Variants in ZNF660 observed in about 807,000 individuals in gnomAD.
ZNF660 encodes zinc finger protein 660.
A neutral mutation model predicts 23.2 loss-of-function variants in ZNF660; 24 were observed. The observed-to-expected ratio is 1.04, with a 90% confidence interval of 0.75 to 1.46. ZNF660 has a LOEUF of 1.46. ZNF660 is among the 40% of genes most tolerant of loss of function. The probability of loss-of-function intolerance (pLI) is 0.00; values close to 1 mark genes in which losing one functional copy is unlikely to be tolerated. For synonymous variants in ZNF660, 117 were observed against 131.4 expected, an observed-to-expected ratio of 0.89 and a Z score of 0.75; for missense variants, 373 against 396.8, an observed-to-expected ratio of 0.94 and a Z score of 0.51.
intron 2 of ZNF660, chr3:44,586,552 G>A (rs910969834): frequency 1.3e-5 from 2 of 152,198 alleles, no homozygotes; most frequent in Non-Finnish European, 2.9e-5. Context: ...CTGACATACT[G>A]AGAGTCTCTG....
rs115687563 is a variant in ZNF660, at chr3:44,591,120, A to G, written c.-180-2894A>G. Reference sequence around the variant, plus strand: ...TCCATTTATCAGAAAGCTGTGGGACATGGAAATTGGTCAAACTTTTTTTTT... The same window carrying G: ...TCCATTTATCAGAAAGCTGTGGGACGTGGAAATTGGTCAAACTTTTTTTTT... On this transcript the variant is annotated intron_variant, in intron 2 of 2. Transcript: ENST00000322734. Among the ~76,000 whole-genome samples the G allele has an allele frequency of 9.6e-4, 146 of 152,254 alleles. 1 individual carries two copies. Among genetic ancestry groups the G allele is most frequent in the African/African-American group, 3.1e-3 (130 of 41,560 alleles).
chr3:44,599,195 C>T lies in ZNF660; in HGVS notation c.*4006C>T, dbSNP rs1229294090. On this transcript the variant is annotated 3_prime_UTR_variant, in exon 3 of 3. Coordinates refer to ENST00000322734, the MANE Select transcript of ZNF660 (RefSeq NM_173658.4). ...GGCAATAATTTTAGCCACAGACATC[C>T]TGGTTATATAGAATTGCTCCTGTGT... 1 of 152,140 alleles carries T rather than the reference C, an allele frequency of 6.6e-6. No homozygotes were observed. The highest frequency in any genetic ancestry group is 1.5e-5 in the Non-Finnish European group (1 of 68,044). The allele number at this position is 152,140 out of a possible 1,614,324, so 9.4% of individuals were successfully genotyped here.
Position 44,595,124 on chromosome 3 carries a change from T to C in ZNF660, c.931T>C (p.Tyr311His). ...TAAATGTAGTGAGTGTGGGAAAGCC[T>C]ATCGGTATAGTTCACAGCTTATTCA... The part of the protein sequence containing the change: ...PYKCSECGKA[Y>H]RYSSQLIQHQ... The change falls in exon 3 of 3, where the codon TAT becomes CAT. Residue 311 changes from tyrosine (Y) to histidine (H), a missense_variant. Coordinates refer to ENST00000322734, the MANE Select transcript of ZNF660 (RefSeq NM_173658.4). 6.2e-7 allele frequency: 1 copy of C among 1,613,502 alleles called. No individual in the cohort carries two copies. The highest frequency in any genetic ancestry group is 1.1e-5 in the South Asian group (1 of 91,022).
Position 44,596,704 on chromosome 3 carries a change from C to T in ZNF660, c.*1515C>T, listed in dbSNP as rs1430595332. ...TGGCCACAGCTGCATCTTGCCTTCA[C>T]ACAACTCCTTCAGATTGGGAACTGG... On this transcript the variant is annotated 3_prime_UTR_variant, in exon 3 of 3. Coordinates refer to ENST00000322734, the MANE Select transcript of ZNF660 (RefSeq NM_173658.4). 6.6e-6 allele frequency: 1 copy of T among 152,218 alleles called. No homozygotes were observed. The highest frequency in any genetic ancestry group is 1.5e-5 in the Non-Finnish European group (1 of 68,038). 9.4% of individuals were successfully genotyped at this position (152,218 alleles called of 1,614,324 possible). A position where few individuals can be genotyped will look rare whatever the true frequency, so the allele number is the denominator to read the frequency against.
chr3:44,586,694 T>G (rs181121442), intron 2 of ZNF660: 70 of 152,264 alleles, frequency 4.6e-4, no homozygotes, highest in African/African-American at 1.6e-3. Context: ...AGGACAAACA[T>G]GTAGAGGAGG....
chr3:44,594,409 C>A lies in ZNF660; in HGVS notation c.216C>A (p.His72Gln). 1 of 1,614,028 alleles carries A rather than the reference C, an allele frequency of 6.2e-7. No individual in the cohort carries two copies. Among genetic ancestry groups the A allele is most frequent in the Non-Finnish European group, 8.5e-7 (1 of 1,180,024 alleles). Residue 72 changes from histidine (H) to glutamine (Q), a missense_variant, in exon 3 of 3, where the codon CAC becomes CAA. By Grantham distance (24) the His-to-Gln change is conservative (BLOSUM62 0). Coordinates refer to ENST00000322734, the MANE Select transcript of ZNF660 (RefSeq NM_173658.4). ...SANLTVHERI[H>Q]TGEKPYKCKE... ...ACCTCACAGTACATGAGCGAATCCA[C>A]ACGGGAGAGAAACCCTATAAGTGTA...
chr3:44,589,959 CTTTTTTTTT>C (rs397876489), intron 2 of ZNF660, among the ~76,000 whole-genome samples: 4 of 102,972 alleles, frequency 3.9e-5, no homozygotes, highest in Non-Finnish European at 7.7e-5. Flanking sequence ...AACCCTGTGC[CTTTTTTTTT>C]TTTTTTTTTT....
Position 44,595,243 on chromosome 3 carries a change from C to A in ZNF660, c.*54C>A. 1 of 1,487,538 alleles carries A rather than the reference C, an allele frequency of 6.7e-7. No homozygotes were observed. The highest frequency in any genetic ancestry group is 2.3e-5 in the East Asian group (1 of 43,766). 92.1% of individuals were successfully genotyped at this position (1,487,538 alleles called of 1,614,324 possible). On this transcript the variant is annotated 3_prime_UTR_variant, in exon 3 of 3. Coordinates refer to ENST00000322734, the MANE Select transcript of ZNF660 (RefSeq NM_173658.4). ...ACTGCTGCTTTTCTAAAAAGTAGTT[C>A]TTTAGTATCAACTTTAATTCTACTT...
chr3:44,590,426 G>T (rs1575401417), intron 2 of ZNF660, among the ~76,000 whole-genome samples: 1 of 152,076 alleles, frequency 6.6e-6, no homozygotes, highest in Non-Finnish European at 1.5e-5. Context: ...GCATGTAAGA[G>T]AACTTTCTTG....
Position 44,594,637 on chromosome 3 carries a change from C to T in ZNF660, c.444C>T (p.Gly148=). ...ECGKAFSRSS[G]LISHHRVHTG... The stretch of plus-strand genomic sequence containing the variant: ...GGAAAGCCTTTAGTCGGAGTTCGGG[C>T]CTTATATCACATCACAGAGTTCACA... Residue 148 remains glycine (G), a synonymous_variant, in exon 3 of 3, where the codon GGC becomes GGT. Coordinates refer to ENST00000322734, the MANE Select transcript of ZNF660 (RefSeq NM_173658.4). 1.2e-6 allele frequency: 2 copies of T among 1,613,538 alleles called. No individual in the cohort carries two copies. Among genetic ancestry groups the T allele is most frequent in the Non-Finnish European group, 1.7e-6 (2 of 1,179,862 alleles).
chr3:44,588,987 T>C (rs1700326137), intron 2 of ZNF660, among the ~76,000 whole-genome samples: 1 of 152,236 alleles, frequency 6.6e-6, no homozygotes. Context: ...GGAATATGGA[T>C]GTGTGCGTTA....
intron 2 of ZNF660, among the ~76,000 whole-genome samples, chr3:44,587,921 G>A (rs1385903811): frequency 6.6e-6 from 1 of 152,172 alleles, no homozygotes; most frequent in African/African-American, 2.4e-5. Context: ...TGGGCGTGGT[G>A]GCACATGCCT....
chr3:44,594,426 A>AAGGAGTG lies in ZNF660; in HGVS notation c.233_234insAGGAGTG (p.Tyr78Ter). On this transcript the variant is annotated stop_gained and frameshift_variant, in exon 3 of 3. Transcript: ENST00000322734. LOFTEE classifies it high-confidence loss of function. ...CGAATCCACACGGGAGAGAAACCCTATAAGTGTAAGGAGTGTGGAAAAGCT... is the reference window on the plus strand; with the variant it reads ...CGAATCCACACGGGAGAGAAACCCTAAGGAGTGTAAGTGTAAGGAGTGTGGAAAAGCT... 1 of 1,614,054 alleles carries AAGGAGTG rather than the reference A, an allele frequency of 6.2e-7. No individual in the cohort carries two copies. The highest frequency in any genetic ancestry group is 8.5e-7 in the Non-Finnish European group (1 of 1,180,002).
At position 44,589,206 on chromosome 3, in the gene ZNF660, C is replaced by G. The variant is rs148032512; in HGVS notation, c.-181+2993C>G. On this transcript the variant is annotated intron_variant, in intron 2 of 2. Coordinates refer to ENST00000322734, the MANE Select transcript of ZNF660 (RefSeq NM_173658.4). ...ATTTCCCTTCCTCTTTTCTTTTTAA[C>G]CCCCTCTAATCCATCTGGGCTAATC... Among the ~76,000 whole-genome samples, 436 of 152,312 alleles carry G rather than the reference C, an allele frequency of 2.9e-3. 3 individuals carry two copies. The highest frequency in any genetic ancestry group is 1.0e-2 in the African/African-American group (415 of 41,564).
At chr3:44,590,287 G>C (rs1190777165) in intron 2 of ZNF660, among the ~76,000 whole-genome samples, 1 of 152,084 alleles carries the variant, frequency 6.6e-6, no homozygotes, top group Non-Finnish European at 1.5e-5. Flanking sequence ...CTGCAGCCTA[G>C]AAGTGTGAGA....
At chr3:44,593,850 A>G (rs895695253) in intron 2 of ZNF660, among the ~76,000 whole-genome samples, 164 bp from the exon 3 acceptor site, 7 of 152,058 alleles carry the variant, frequency 4.6e-5, no homozygotes, top group African/African-American at 1.4e-4. Flanking sequence ...AAGCCTTTAC[A>G]TTGGCCTCTA....
At position 44,594,800 on chromosome 3, in the gene ZNF660, A is replaced by G; in HGVS notation, c.607A>G (p.Thr203Ala). 1 of 1,614,152 alleles carries G rather than the reference A, an allele frequency of 6.2e-7. No homozygotes were observed. Residue 203 changes from threonine (T) to alanine (A), a missense_variant, in exon 3 of 3, where the codon ACA (threonine) becomes GCA (alanine). Transcript: ENST00000322734. Reference sequence around the variant, plus strand: ...GTGTGGGAAAACATGTGGTTCTAATACAAAGATTATGGACCATCAGAGAAT... The same window carrying G: ...GTGTGGGAAAACATGTGGTTCTAATGCAAAGATTATGGACCATCAGAGAAT... ...KECGKTCGSN[T>A]KIMDHQRIHT...
chr3:44,586,046 C>T (rs563123530), intron 1 of ZNF660, 59 bp from the exon 2 acceptor site: 2 of 152,280 alleles, frequency 1.3e-5, no homozygotes, highest in South Asian at 2.1e-4. Flanking sequence ...GGACACTGCC[C>T]TGAGTGTCCA....
intron 2 of ZNF660, among the ~76,000 whole-genome samples, chr3:44,588,681 C>T (rs1700313961): frequency 6.6e-6 from 1 of 151,998 alleles, no homozygotes; most frequent in Non-Finnish European, 1.5e-5. Flanking sequence ...TATTTTTACC[C>T]AGGCTGATCA....
Sources: allele counts gnomAD v4.1 joint callset (sites outside exome capture counted in the v4.1 genomes callset), GRCh38; gene constraint gnomAD v4.1.1; transcripts MANE v1.5; gene names NCBI Gene and HGNC (gene_info 2026-07-23, HGNC 2026-07-21).